Variants in PGPEP1L observed in about 807,000 individuals in gnomAD.
PGPEP1L encodes the protein pyroglutamyl-peptidase I like.
PGPEP1L carries 7 observed loss-of-function variants against 6.0 expected under a neutral mutation model. The observed-to-expected ratio is 1.17, with a 90% CI of 0.66 to 2.19. The LOEUF is 2.19. Ranked by LOEUF, PGPEP1L falls within the 30% of genes most tolerant of loss-of-function variation. The pLI, the probability that PGPEP1L is intolerant of heterozygous loss-of-function variation, is 0.00. For synonymous variants in PGPEP1L, 103 were observed against 83.9 expected (o/e 1.23, Z -1.24); for missense variants, 209 against 192.5 (o/e 1.09, Z -0.51).
chr15:98,972,172 G>T (rs1188365634), intron 2 of PGPEP1L, among the ~76,000 whole-genome samples: 1 of 152,014 alleles, frequency 6.6e-6, no homozygotes, highest in Non-Finnish European at 1.5e-5. Flanking sequence ...GACTAACATG[G>T]CAAAACCCCA....
rs1316967770 is a variant in PGPEP1L at position 99,007,667 on chromosome 15, T to TA, written c.-679_-678insT. Reference sequence around the variant, plus strand: ...GGCTTTAAGAACGAAGCTGCAGACCTTCACGGTGAGCGTTACAGCTCATAA... The same window carrying TA: ...GGCTTTAAGAACGAAGCTGCAGACCTATCACGGTGAGCGTTACAGCTCATAA... On this transcript the variant is annotated 5_prime_UTR_variant, in exon 1 of 5. The change abolishes the stop of an existing upstream ORF in the 5' untranslated region. Transcript: ENST00000535714. 2 of 152,266 alleles carry TA rather than the reference T, an allele frequency of 1.3e-5. No homozygotes were observed. The highest frequency in any genetic ancestry group is 3.9e-4 in the East Asian group (2 of 5,138). The allele number at this position is 152,266 out of a possible 1,614,324, so 9.4% of individuals were successfully genotyped here. A position where few individuals can be genotyped will look rare whatever the true frequency, so the allele number is the denominator to read the frequency against.
rs757361965 is a variant in PGPEP1L at position 98,968,693 on chromosome 15, C to T, written c.214G>A (p.Val72Ile). ...GACAGGTAATAGGTATAATCACAGACGTATCTGCAACCACAGGAAATGCCA... is the reference window on the plus strand; with the variant it reads ...GACAGGTAATAGGTATAATCACAGATGTATCTGCAACCACAGGAAATGCCA... ...VIFSRDAGRY[V>I]CDYTYYLSLH... Residue 72 changes from valine to isoleucine, a missense_variant, in exon 5 of 5, where the codon GTC (valine) becomes ATC (isoleucine). Transcript: ENST00000535714. The T allele has an allele frequency of 4.2e-5, 66 of 1,562,134 alleles. 1 individual carries two copies. The highest frequency in any genetic ancestry group is 2.5e-4 in the South Asian group (21 of 84,788).
intron 2 of PGPEP1L, among the ~76,000 whole-genome samples, chr15:98,991,845 GAC>G (rs1306465963): frequency 6.6e-5 from 10 of 152,092 alleles, no homozygotes; most frequent in African/African-American, 2.2e-4. Context: ...CAGAACCAAA[GAC>G]AAAAACCATG....
chr15:99,005,513 C>A lies in PGPEP1L; in HGVS notation c.-226G>T, dbSNP rs2018041078. ...CGCCTCCCTGGCTCAGGCAGCGGCC[C>A]AGCGGCCGGGCTCTGCGCGCTCTGA... On this transcript the variant is annotated 5_prime_UTR_variant, in exon 2 of 5. Coordinates refer to ENST00000535714, the MANE Select transcript of PGPEP1L (RefSeq NM_001167902.2). The A allele has an allele frequency of 6.6e-6, 1 of 152,384 alleles. No homozygotes were observed. The highest frequency in any genetic ancestry group is 1.5e-5 in the Non-Finnish European group (1 of 68,050). 9.4% of individuals were successfully genotyped at this position (152,384 alleles called of 1,614,324 possible). A position where few individuals can be genotyped will look rare whatever the true frequency, so the allele number is the denominator to read the frequency against.
chr15:98,975,527 CT>C (rs944177214), intron 2 of PGPEP1L, among the ~76,000 whole-genome samples: 2 of 152,312 alleles, frequency 1.3e-5, no homozygotes, highest in African/African-American at 2.4e-5. Flanking sequence ...CCTAATTACC[CT>C]GATTTAATCA....
At chr15:98,997,129 G>GTT (rs2017899142) in intron 2 of PGPEP1L, among the ~76,000 whole-genome samples, 1 of 152,170 alleles carries the variant, frequency 6.6e-6, no homozygotes, top group African/African-American at 2.4e-5. Flanking sequence ...AAGGTCCTGT[G>GTT]TTTTGAGGAA....
chr15:98,971,187 C>A (rs754030222), intron 2 of PGPEP1L, 29 bp from the exon 3 acceptor site: 4 of 1,162,940 alleles, frequency 3.4e-6, no homozygotes, highest in South Asian at 1.5e-5. Context: ...GGACTTGCCT[C>A]AGTTGATGGG....
intron 2 of PGPEP1L, among the ~76,000 whole-genome samples, chr15:98,981,956 G>A (rs1470098461): frequency 3.3e-5 from 5 of 152,144 alleles, no homozygotes; most frequent in South Asian, 2.1e-4. Context: ...AGTAACATCC[G>A]GGAAAAATGT....
chr15:98,987,165 CAAAAAAAAAAAAAAAAA>C (rs57923635), intron 2 of PGPEP1L, among the ~76,000 whole-genome samples: 18 of 33,396 alleles, frequency 5.4e-4, no homozygotes, highest in East Asian at 1.6e-3. Context: ...GACTCCATCT[CAAAAAAAAAAAAAAAAA>C]AAAAAAAAAA....
chr15:98,975,390 G>A (rs866197084), intron 2 of PGPEP1L, among the ~76,000 whole-genome samples: 1 of 152,184 alleles, frequency 6.6e-6, no homozygotes, highest in South Asian at 2.1e-4. Flanking sequence ...GAAGGAATAA[G>A]TTCCAGTGTT....
intron 2 of PGPEP1L, among the ~76,000 whole-genome samples, chr15:99,004,977 G>T (rs577204512): frequency 1.3e-5 from 2 of 152,002 alleles, no homozygotes; most frequent in Non-Finnish European, 2.9e-5. Flanking sequence ...TTCCTTTGCG[G>T]GTGGCTGTTG....
At chr15:98,996,854 C>T (rs1321561769) in intron 2 of PGPEP1L, among the ~76,000 whole-genome samples, 1 of 152,074 alleles carries the variant, frequency 6.6e-6, no homozygotes, top group African/African-American at 2.4e-5. Context: ...ATGGAATAGC[C>T]TTTTAGTAAT....
intron 2 of PGPEP1L, among the ~76,000 whole-genome samples, chr15:98,974,547 C>G (rs2017541837): frequency 6.6e-6 from 1 of 152,190 alleles, no homozygotes; most frequent in South Asian, 2.1e-4. Context: ...GGCTTCACTG[C>G]TGAATTCTAC....
intron 2 of PGPEP1L, among the ~76,000 whole-genome samples, chr15:98,999,575 T>G (rs1221641103): frequency 6.6e-6 from 1 of 152,188 alleles, no homozygotes; most frequent in African/African-American, 2.4e-5. Context: ...TCCTGGACAT[T>G]TATCTCAGAG....
intron 2 of PGPEP1L, among the ~76,000 whole-genome samples, chr15:98,998,602 C>A (rs138716957): frequency 6.7e-4 from 102 of 152,296 alleles, no homozygotes; most frequent in African/African-American, 2.2e-3. Flanking sequence ...TAGACACTAA[C>A]AGGCAAAAAA....
chr15:98,979,563 A>C lies in PGPEP1L; in HGVS notation c.-141-8405T>G, dbSNP rs546666630. On this transcript the variant is annotated intron_variant, in intron 2 of 4. Transcript: ENST00000535714. Reference sequence around the variant, plus strand: ...AACTGCGGTATATAGATAGGATGGAATACTACTCAGCCATAAAAAGAAATG... The same window carrying C: ...AACTGCGGTATATAGATAGGATGGACTACTACTCAGCCATAAAAAGAAATG... Among the ~76,000 whole-genome samples the C allele has an allele frequency of 4.6e-5, 7 of 151,856 alleles. 1 individual carries two copies. The East Asian group carries it at 7.8e-4, about 17-fold the overall frequency.
chr15:98,988,461 G>T (rs1474950370), intron 2 of PGPEP1L, among the ~76,000 whole-genome samples: 2 of 152,156 alleles, frequency 1.3e-5, no homozygotes, highest in Admixed American at 1.3e-4. Context: ...TCTGGGAAGG[G>T]CATCTCTGAA....
intron 1 of PGPEP1L, among the ~76,000 whole-genome samples, chr15:99,006,130 C>A (rs1343446535): frequency 6.6e-6 from 1 of 152,192 alleles, no homozygotes; most frequent in South Asian, 2.1e-4. Context: ...AGCTGTGGGT[C>A]CTCAGGGAAG....
intron 2 of PGPEP1L, among the ~76,000 whole-genome samples, chr15:98,992,712 G>C (rs2017835825): frequency 6.6e-6 from 1 of 152,200 alleles, no homozygotes; most frequent in Non-Finnish European, 1.5e-5. Flanking sequence ...CAAGGCTGCA[G>C]TAACAAAAAC....
Sources: gnomAD v4.1 joint callset for allele counts (sites outside exome capture counted in the v4.1 genomes callset) on GRCh38, gnomAD v4.1.1 for gene constraint, MANE v1.5 for transcripts, NCBI Gene and HGNC (gene_info 2026-07-23, HGNC 2026-07-21) for gene names.